The following GRIK2 variants were observed in gnomAD, a reference collection of about 807,000 sequenced individuals.
GRIK2 encodes glutamate ionotropic receptor kainate type subunit 2.
Under a neutral mutation model 100.3 loss-of-function variants are expected in GRIK2, and 32 were observed. The observed-to-expected ratio is 0.32, with a 90% CI of 0.24 to 0.43. The LOEUF (loss-of-function observed/expected upper bound fraction) is 0.43, where lower values mean the gene tolerates loss of function less well. Ranked by LOEUF, GRIK2 falls within the 20% of genes least tolerant of loss-of-function variation. GRIK2 has a pLI of 1.00. For missense variants in GRIK2, 843 were observed against 1,114.9 expected, an observed-to-expected ratio of 0.76 and a Z score of 3.47; for synonymous variants, 417 against 389.4, an observed-to-expected ratio of 1.07 and a Z score of -0.83.
intron 7 of GRIK2, among the ~76,000 whole-genome samples, chr6:101,783,684 A>C (rs1449057623): frequency 6.6e-6 from 1 of 152,308 alleles, no homozygotes; most frequent in African/African-American, 2.4e-5. Context: ...CAAAATGTTG[A>C]TAGTGATGTG....
chr6:101,675,049 A>G (rs1480277017), intron 4 of GRIK2, among the ~76,000 whole-genome samples: 1 of 152,234 alleles, frequency 6.6e-6, no homozygotes, highest in Non-Finnish European at 1.5e-5. Context: ...TCTTCTAGCT[A>G]TTTTGAAGTA....
chr6:101,930,782 CCTA>C (rs1790219072), intron 14 of GRIK2, among the ~76,000 whole-genome samples: 1 of 151,406 alleles, frequency 6.6e-6, no homozygotes, highest in African/African-American at 2.4e-5. Flanking sequence ...GCAATTTTTG[CCTA>C]CTTTCACTTT....
intron 14 of GRIK2, among the ~76,000 whole-genome samples, chr6:101,958,253 TTG>T (rs1554292720): frequency 7.4e-4 from 103 of 139,536 alleles, no homozygotes; most frequent in African/African-American, 2.6e-3. Flanking sequence ...TGCTACATAT[TTG>T]TGTGTGTGTG....
intron 10 of GRIK2, among the ~76,000 whole-genome samples, chr6:101,852,132 G>A (rs1435069833): frequency 6.6e-6 from 1 of 151,956 alleles, no homozygotes. Context: ...CATTACTATT[G>A]CTTAGTCATG....
chr6:101,456,324 A>C (rs527986994), intron 2 of GRIK2, among the ~76,000 whole-genome samples: 2 of 152,022 alleles, frequency 1.3e-5, no homozygotes, highest in South Asian at 4.1e-4. Flanking sequence ...CACATTTTCA[A>C]TTTGAGGAGG....
Position 101,723,876 on chromosome 6 carries a change from T to G in GRIK2, c.951+37523T>G, listed in dbSNP as rs752926491. Among the ~76,000 whole-genome samples, 4 of 152,048 alleles carry G rather than the reference T, an allele frequency of 2.6e-5. No individual in the cohort carries two copies. The East Asian group carries it at 7.8e-4, about 30-fold the overall frequency. ...AATTCTCAAAGATAATGTTAACATATGTTGGGATAAACCCTTTCTGCTTTA... is the reference window on the plus strand; with the variant it reads ...AATTCTCAAAGATAATGTTAACATAGGTTGGGATAAACCCTTTCTGCTTTA... On this transcript the variant is annotated intron_variant, in intron 7 of 16. Transcript: ENST00000369134.
At chr6:101,526,748 G>A (rs1005484828) in intron 2 of GRIK2, among the ~76,000 whole-genome samples, 2 of 152,192 alleles carry the variant, frequency 1.3e-5, no homozygotes, top group Admixed American at 6.5e-5. Flanking sequence ...TCTGTACACA[G>A]GTTGTAGCAT....
At chr6:101,547,083 G>A (rs537981742) in intron 2 of GRIK2, among the ~76,000 whole-genome samples, 1 of 151,614 alleles carries the variant, frequency 6.6e-6, no homozygotes, top group East Asian at 1.9e-4. Context: ...CGCCCGCCTC[G>A]GCCTCCCAAA....
At chr6:101,856,050 A>G (rs1205717656) in intron 10 of GRIK2, among the ~76,000 whole-genome samples, 2 of 152,162 alleles carry the variant, frequency 1.3e-5, no homozygotes, top group African/African-American at 4.8e-5. Flanking sequence ...GAAGCCTTTC[A>G]CCAAGATGAG....
chr6:101,825,957 A>G (rs1782297360), intron 10 of GRIK2, among the ~76,000 whole-genome samples: 1 of 152,138 alleles, frequency 6.6e-6, no homozygotes, highest in Non-Finnish European at 1.5e-5. Flanking sequence ...CCACTTAGAT[A>G]TACAGTATCA....
intron 4 of GRIK2, among the ~76,000 whole-genome samples, chr6:101,670,688 A>T (rs1281317513): frequency 1.3e-5 from 2 of 152,136 alleles, no homozygotes; most frequent in Non-Finnish European, 2.9e-5. Context: ...TTTTAATTCT[A>T]ATGTTAGGTT....
intron 2 of GRIK2, among the ~76,000 whole-genome samples, chr6:101,609,001 T>C (rs894206221): frequency 6.6e-6 from 1 of 151,844 alleles, no homozygotes; most frequent in African/African-American, 2.4e-5. Flanking sequence ...TTTTTTCTGG[T>C]CTACTTTCAC....
chr6:101,601,120 G>GTTT (rs34999814), intron 2 of GRIK2, among the ~76,000 whole-genome samples: 5 of 140,336 alleles, frequency 3.6e-5, no homozygotes, highest in Admixed American at 7.1e-5. Flanking sequence ...AGTTTGTTGA[G>GTTT]TTTTTTTTTT....
intron 11 of GRIK2, among the ~76,000 whole-genome samples, chr6:101,877,231 A>G (rs952662381): frequency 1.3e-5 from 2 of 152,006 alleles, no homozygotes; most frequent in African/African-American, 4.8e-5. Context: ...ATGAATACAT[A>G]CAGTTGGCCA....
In GRIK2 at chr6:101,921,245, T is replaced by C. The variant is rs1789470864; in HGVS notation, c.1749-3356T>C. ...TTCATTTAAGGATGCTGGCAGGTGA[T>C]GGTATTAACAGAGATAAGAAATGTA... On this transcript the variant is annotated intron_variant, in intron 12 of 16. Transcript: ENST00000369134. 2.0e-5 allele frequency among the ~76,000 whole-genome samples: 3 copies of C among 150,172 alleles called. No homozygotes were observed. The South Asian group carries it at 6.4e-4, about 32-fold the overall frequency.
intron 2 of GRIK2, among the ~76,000 whole-genome samples, chr6:101,501,293 C>G (rs912269905): frequency 2.0e-5 from 3 of 152,026 alleles, no homozygotes; most frequent in African/African-American, 7.2e-5. Context: ...TCAAAACTAC[C>G]AAGGGATCTT....
At position 101,679,075 on chromosome 6, in the gene GRIK2, A is replaced by G. The variant is rs148322191; in HGVS notation, c.723+2271A>G. ...CTAGGGCAGAGCCAAGATCCTCTGA[A>G]GTAAAACCTCACAAGGACATTCTAT... On this transcript the variant is annotated intron_variant, in intron 5 of 16. Coordinates refer to ENST00000369134, the MANE Select transcript of GRIK2 (RefSeq NM_021956.5). Among the ~76,000 whole-genome samples, 419 of 152,324 alleles carry G rather than the reference A, an allele frequency of 2.8e-3. 7 individuals carry two copies. Among genetic ancestry groups the G allele is most frequent in the African/African-American group, 9.9e-3 (410 of 41,584 alleles).
At chr6:101,541,260 G>A (rs2128288569) in intron 2 of GRIK2, among the ~76,000 whole-genome samples, 1 of 152,008 alleles carries the variant, frequency 6.6e-6, no homozygotes, top group Non-Finnish European at 1.5e-5. Flanking sequence ...AGACCCACCA[G>A]AACCAAGGTT....
chr6:101,902,735 A>T (rs1162618815), intron 12 of GRIK2, among the ~76,000 whole-genome samples: 2 of 149,506 alleles, frequency 1.3e-5, no homozygotes, highest in Non-Finnish European at 3.0e-5. Flanking sequence ...TCCTGCTTAT[A>T]ATTTTTAACC....
Sources: gnomAD v4.1 joint callset for allele counts (sites outside exome capture counted in the v4.1 genomes callset) on GRCh38, gnomAD v4.1.1 for gene constraint, MANE v1.5 for transcripts, NCBI Gene and HGNC (gene_info 2026-07-23, HGNC 2026-07-21) for gene names.